The following TTC12 variants were observed in gnomAD, a reference collection of about 807,000 sequenced individuals.
TTC12 encodes the protein tetratricopeptide repeat protein 12.
A neutral mutation model predicts 90.1 loss-of-function variants in TTC12; 70 were observed. The observed-to-expected ratio is 0.78, with a 90% CI of 0.64 to 0.95. The LOEUF is 0.95. TTC12 is among the 40% of genes least tolerant of loss of function. The pLI is 0.00. For missense variants in TTC12, 819 were observed against 846.1 expected, an observed-to-expected ratio of 0.97 and a Z score of 0.40; for synonymous variants, 296 against 311.5, an observed-to-expected ratio of 0.95 and a Z score of 0.53.
intron 3 of TTC12, among the ~76,000 whole-genome samples, chr11:113,323,678 C>T (rs1489218929): frequency 3.3e-5 from 5 of 152,168 alleles, no homozygotes; most frequent in South Asian, 2.1e-4. Context: ...CCCTCTCCAC[C>T]CCCTGAGCTT....
downstream of TTC12, chr11:113,366,430 G>T (rs577955237): frequency 2.0e-6 from 3 of 1,495,712 alleles, no homozygotes; most frequent in East Asian, 4.8e-5. Flanking sequence ...TGCATTTCAG[G>T]TTTTCACGGG....
At chr11:113,350,352 T>G (rs1949198217) in intron 14 of TTC12, among the ~76,000 whole-genome samples, 187 bp downstream of exon 14, 1 of 152,170 alleles carries the variant, frequency 6.6e-6, no homozygotes, top group Non-Finnish European at 1.5e-5. Context: ...CTAGTCACTC[T>G]GCATAGAGGC....
chr11:113,362,450 T>C lies in TTC12; in HGVS notation c.1664T>C (p.Val555Ala), dbSNP rs1555155560. ...ACCCTTTCTTCCTCTCTGAAAATTG[T>C]TGAGGAGGCCTTGCGAGCAGGAGTG... Reference protein sequence around the residue: ...SRTLSSSLKIVEEALRAGVVK... With the variant: ...SRTLSSSLKIAEEALRAGVVK... The change falls in exon 19 of 22, where the codon GTT (valine) becomes GCT (alanine). Residue 555 changes from valine to alanine, a missense_variant. Transcript: ENST00000529221. 2 of 1,614,150 alleles carry C rather than the reference T, an allele frequency of 1.2e-6. No homozygotes were observed. The highest frequency in any genetic ancestry group is 1.1e-5 in the South Asian group (1 of 91,086).
rs201010249 is a variant in TTC12 at position 113,344,325 on chromosome 11, G to A, written c.1039G>A (p.Ala347Thr). 9.0e-5 allele frequency: 145 copies of A among 1,613,972 alleles called. No homozygotes were observed. Among genetic ancestry groups the A allele is most frequent in the Non-Finnish European group, 1.1e-4 (127 of 1,179,996 alleles). ...CCATGACAGGGCCAGGCTGTTGGCCGCCCTCTTGTCCTCCAAGGTCCTGGC... is the reference window on the plus strand; with the variant it reads ...CCATGACAGGGCCAGGCTGTTGGCCACCCTCTTGTCCTCCAAGGTCCTGGC... ...IHHDRARLLAALLSSKVLAIR... is the reference protein window; with the variant it reads ...IHHDRARLLATLLSSKVLAIR... The change falls in exon 13 of 22, where the codon GCC (alanine) becomes ACC (threonine). Residue 347 changes from alanine (A) to threonine (T), a missense_variant. Coordinates refer to ENST00000529221, the MANE Select transcript of TTC12 (RefSeq NM_017868.4).
intron 13 of TTC12, among the ~76,000 whole-genome samples, chr11:113,348,381 C>T (rs1555148856): frequency 2.0e-5 from 3 of 152,152 alleles, no homozygotes; most frequent in Non-Finnish European, 2.9e-5. Context: ...TCTAGTTCTC[C>T]TCTACTGTCT....
intron 3 of TTC12, 66 bp from the exon 4 acceptor site, chr11:113,323,928 A>T: frequency 7.7e-7 from 1 of 1,293,180 alleles, no homozygotes; most frequent in Non-Finnish European, 1.1e-6. Flanking sequence ...CTTGGTTTAT[A>T]TACATATAAA....
At chr11:113,360,457 T>G (rs1291785056) in intron 18 of TTC12, among the ~76,000 whole-genome samples, 3 of 152,088 alleles carry the variant, frequency 2.0e-5, no homozygotes, top group Non-Finnish European at 4.4e-5. Flanking sequence ...TCCTAGAGGT[T>G]GTTTGTGCAT....
At chr11:113,373,200 ATGCAAC>A (rs1950429878) in exon 22 of TTC12, 5 of 985,356 alleles carry the variant, frequency 5.1e-6, no homozygotes, top group Non-Finnish European at 6.0e-6. Context: ...CCCACTCCAC[ATGCAAC>A]TGTCCCCAAC....
At chr11:113,333,789 A>G (rs1948195356) in intron 7 of TTC12, among the ~76,000 whole-genome samples, 1 of 152,174 alleles carries the variant, frequency 6.6e-6, no homozygotes, top group Non-Finnish European at 1.5e-5. Context: ...TGTATCTCTA[A>G]AAGCTTCTCC....
At chr11:113,317,235 G>A (rs1390604122) in intron 2 of TTC12, among the ~76,000 whole-genome samples, 1 of 152,106 alleles carries the variant, frequency 6.6e-6, no homozygotes, top group Admixed American at 6.6e-5. Context: ...CTATGGTACT[G>A]TCATACCTAC....
rs782600677 is a variant in TTC12 at position 113,352,249 on chromosome 11, TG to T, written c.1446+47del. 9 of 1,613,348 alleles carry T rather than the reference TG, an allele frequency of 5.6e-6. No individual in the cohort carries two copies. In the Admixed American group the frequency reaches 1.5e-4, roughly 27 times the overall value. Reference sequence around the variant, plus strand: ...ATTCAAAATTGGTCTTTATCCTCTTTGGGGGCATTAGCGTCTTCTTAGTTAT... The same window carrying T: ...ATTCAAAATTGGTCTTTATCCTCTTTGGGGCATTAGCGTCTTCTTAGTTAT... On this transcript the variant is annotated intron_variant, in intron 16 of 21. Transcript: ENST00000529221.
chr11:113,321,676 T>C (rs1555138544), intron 2 of TTC12, among the ~76,000 whole-genome samples: 1 of 152,130 alleles, frequency 6.6e-6, no homozygotes, highest in African/African-American at 2.4e-5. Context: ...TGAATCTGGG[T>C]TGGCCATGTG....
intron 16 of TTC12, 109 bp downstream of exon 16, chr11:113,352,316 G>A: frequency 3.6e-6 from 5 of 1,407,460 alleles, no homozygotes; most frequent in Non-Finnish European, 4.9e-6. Context: ...GTGTTGGATG[G>A]CGCCAGTTGG....
rs782282432 is a variant in TTC12 at position 113,344,395 on chromosome 11, C to A, written c.1109C>A (p.Thr370Asn). ...SFALLLHLAQ[T>N]ESGRSLIINH... is the part of the protein sequence containing the mutation. ...GCCCTGCTGCTGCATCTCGCCCAGA[C>A]TGAGAGCGGACGGAGCCTGATCATC... is the stretch of plus-strand genomic sequence containing the variant. Residue 370 changes from threonine to asparagine, a missense_variant, in exon 13 of 22, where the codon ACT (threonine) becomes AAT (asparagine). Transcript: ENST00000529221. 5 of 1,614,200 alleles carry A rather than the reference C, an allele frequency of 3.1e-6. No homozygotes were observed. In the South Asian group the frequency reaches 5.5e-5, roughly 18 times the overall value.
At chr11:113,338,743 C>G in intron 8 of TTC12, 31 bp from the exon 9 acceptor site, 1 of 1,577,978 alleles carries the variant, frequency 6.3e-7, no homozygotes, top group Middle Eastern at 1.7e-4. Flanking sequence ...TTACCCCAAC[C>G]ACTCTTCAAG....
chr11:113,351,227 G>A lies in TTC12; in HGVS notation c.1248-12G>A. The A allele has an allele frequency of 1.9e-6, 3 of 1,613,482 alleles. No individual in the cohort carries two copies. Among genetic ancestry groups the A allele is most frequent in the Non-Finnish European group, 2.5e-6 (3 of 1,179,408 alleles). On this transcript the variant is annotated splice_polypyrimidine_tract_variant and intron_variant, in intron 14 of 21. Coordinates refer to ENST00000529221, the MANE Select transcript of TTC12 (RefSeq NM_017868.4). The stretch of plus-strand genomic sequence containing the variant: ...ATGTAAAAATAAATCCTGGCTGATG[G>A]TTTCTCAACAGATTCCAAGTCTGGT...
chr11:113,366,437 C>T (rs377425137), downstream of TTC12: 42 of 1,479,728 alleles, frequency 2.8e-5, no homozygotes, highest in Admixed American at 2.7e-4. Context: ...CAGGTTTTCA[C>T]GGGTAACAAG....
chr11:113,320,304 C>G (rs969263014), intron 2 of TTC12, among the ~76,000 whole-genome samples: 4 of 152,164 alleles, frequency 2.6e-5, no homozygotes, highest in African/African-American at 9.7e-5. Flanking sequence ...CTCCCCTATC[C>G]TGTGCCCATG....
At chr11:113,317,800 C>T (rs1947037518) in intron 2 of TTC12, among the ~76,000 whole-genome samples, 1 of 151,360 alleles carries the variant, frequency 6.6e-6, no homozygotes, top group Admixed American at 6.6e-5. Flanking sequence ...GCCTCTTCAT[C>T]TTTTTTTTTA....
Sources: allele counts gnomAD v4.1 joint callset (sites outside exome capture counted in the v4.1 genomes callset), GRCh38; gene constraint gnomAD v4.1.1; transcripts MANE v1.5; gene names NCBI Gene and HGNC (gene_info 2026-07-23, HGNC 2026-07-21).